SREK1: variants seen among roughly 807,000 people sequenced by gnomAD.
SREK1 encodes the protein splicing regulatory glutamic acid and lysine rich protein 1.
SREK1 carries 13 observed loss-of-function variants against 66.5 expected under a neutral mutation model. The observed-to-expected ratio is 0.20, with a 90% CI of 0.13 to 0.31. The LOEUF is 0.31. SREK1 is among the 10% of genes least tolerant of loss of function. The pLI is 1.00. For synonymous variants in SREK1, 265 were observed against 263.5 expected (o/e 1.01, Z -0.05); for missense variants, 607 against 769.6 (o/e 0.79, Z 2.50).
chr5:66,159,110 GATTC>G, intron 2 of SREK1, 105 bp from the exon 3 acceptor site: 1 of 1,438,040 alleles, frequency 7.0e-7, no homozygotes, highest in South Asian at 1.5e-5. Flanking sequence ...CTGATAGATA[GATTC>G]ATTTATTATT....
chr5:66,164,910 G>C lies in SREK1; in HGVS notation c.1001+13G>C, dbSNP rs780057436. 5 of 1,593,268 alleles carry C rather than the reference G, an allele frequency of 3.1e-6. No homozygotes were observed. In the African/African-American group the frequency reaches 4.1e-5, roughly 13 times the overall value. ...AATCAAAACACAGGTGAGAATTTCT[G>C]CTGTCATATTTAAATTTTATTTTAG... On this transcript the variant is annotated intron_variant, in intron 7 of 11. Transcript: ENST00000334121.
chr5:66,162,379 A>G, intron 4 of SREK1, 35 bp from the exon 5 acceptor site: 1 of 1,609,640 alleles, frequency 6.2e-7, no homozygotes, highest in Non-Finnish European at 8.5e-7. Flanking sequence ...TTTTAAATGG[A>G]TATATTTTAT....
rs142149443 is a variant in SREK1, at chr5:66,149,324, C to T, written c.162-4139C>T. On this transcript the variant is annotated intron_variant, in intron 1 of 11. Coordinates refer to ENST00000334121, the MANE Select transcript of SREK1 (RefSeq NM_001077199.3). ...GGGATCCCGCCATTGCACTCCAGCT[C>T]GGGTGACAGTGTGAAACTCTGTCTC... is the stretch of plus-strand genomic sequence containing the variant. Among the ~76,000 whole-genome samples the T allele has an allele frequency of 8.9e-3, 1,338 of 151,060 alleles. 18 individuals are homozygous for T. The highest frequency in any genetic ancestry group is 0.028 in the African/African-American group (1,131 of 41,044).
intron 1 of SREK1, among the ~76,000 whole-genome samples, chr5:66,149,646 C>T (rs1743589091): frequency 6.6e-6 from 1 of 152,198 alleles, no homozygotes; most frequent in African/African-American, 2.4e-5. Context: ...CATTCCTTCA[C>T]AAAAGGATCC....
intron 10 of SREK1, among the ~76,000 whole-genome samples, chr5:66,175,484 C>G (rs1745985471): frequency 6.6e-6 from 1 of 152,066 alleles, no homozygotes; most frequent in Non-Finnish European, 1.5e-5. Flanking sequence ...AGTTTTTTAA[C>G]TAGGCTACAG....
intron 1 of SREK1, among the ~76,000 whole-genome samples, chr5:66,153,098 T>A (rs1462714947): frequency 6.6e-6 from 1 of 152,208 alleles, no homozygotes; most frequent in East Asian, 1.9e-4. Context: ...ATGATAAAAT[T>A]TGAAATCTTG....
chr5:66,144,595 C>T (rs752553399), intron 1 of SREK1, 58 bp downstream of exon 1: 3 of 1,506,582 alleles, frequency 2.0e-6, no homozygotes, highest in Non-Finnish European at 2.7e-6. Flanking sequence ...CCTCGGGAGC[C>T]GAGGCGTGGA....
chr5:66,174,900 T>G, intron 9 of SREK1, 46 bp from the exon 10 acceptor site: 1 of 1,568,594 alleles, frequency 6.4e-7, no homozygotes, highest in Non-Finnish European at 8.7e-7. Context: ...GAATTGCCGT[T>G]TATTTCAATT....
intron 1 of SREK1, among the ~76,000 whole-genome samples, chr5:66,148,451 G>A (rs969564942): frequency 2.0e-5 from 3 of 152,074 alleles, no homozygotes; most frequent in African/African-American, 7.2e-5. Flanking sequence ...CCAAAAAGTT[G>A]GTTCTTTGGT....
At chr5:66,169,303 C>G (rs1358795848) in intron 7 of SREK1, 1 of 152,136 alleles carries the variant, frequency 6.6e-6, no homozygotes, top group Non-Finnish European at 1.5e-5. Flanking sequence ...ATTTGAAAAT[C>G]TGAAATTCAA....
At chr5:66,153,247 C>CA (rs1743999384) in intron 1 of SREK1, among the ~76,000 whole-genome samples, 1 of 151,764 alleles carries the variant, frequency 6.6e-6, no homozygotes, top group Non-Finnish European at 1.5e-5. Context: ...ACAAGTAAGG[C>CA]AGTAGGCCTG....
rs548936666 is a variant in SREK1, at chr5:66,181,857, T to C, written c.*2989T>C. 1 of 133,902 alleles carries C rather than the reference T, an allele frequency of 7.5e-6. No homozygotes were observed. Among genetic ancestry groups the C allele is most frequent in the East Asian group, 2.3e-4 (1 of 4,374 alleles). The allele number at this position is 133,902 out of a possible 1,614,324, so 8.3% of individuals were successfully genotyped here. The stretch of plus-strand genomic sequence containing the variant: ...GAGGCTTAAATTTTGACCTGCTCAA[T>C]TAAAAATAAACACTGGCGTTTATAA... On this transcript the variant is annotated 3_prime_UTR_variant, in exon 12 of 12. Transcript: ENST00000334121.
intron 1 of SREK1, chr5:66,145,250 C>T (rs1014780344): frequency 3.9e-6 from 3 of 761,142 alleles, no homozygotes; most frequent in Middle Eastern, 6.5e-4. Context: ...GCATTCACAG[C>T]TCGCGGCCAC....
In SREK1 at chr5:66,183,293, T is replaced by A. The variant is rs954163931; in HGVS notation, c.*4425T>A. 2 of 152,218 alleles carry A rather than the reference T, an allele frequency of 1.3e-5. No homozygotes were observed. Among genetic ancestry groups the A allele is most frequent in the Admixed American group, 6.5e-5 (1 of 15,282 alleles). 9.4% of individuals were successfully genotyped at this position (152,218 alleles called of 1,614,324 possible). A position where few individuals can be genotyped will look rare whatever the true frequency, so the allele number is the denominator to read the frequency against. On this transcript the variant is annotated 3_prime_UTR_variant, in exon 12 of 12. Transcript: ENST00000334121. ...AAGAATAGGTTGATTTCAACCATTTTGAGGGTACTGGTAGGTAACACACTG... is the reference window on the plus strand; with the variant it reads ...AAGAATAGGTTGATTTCAACCATTTAGAGGGTACTGGTAGGTAACACACTG...
rs1163786477 is a variant in SREK1, at chr5:66,157,449, G to A, written c.296-1770G>A. On this transcript the variant is annotated intron_variant, in intron 2 of 11. Coordinates refer to ENST00000334121, the MANE Select transcript of SREK1 (RefSeq NM_001077199.3). ...TGCATACATTAAGGTAGTGACGATGGAGTTTCTGCCTCAAAACCTCAATTT... is the reference window on the plus strand; with the variant it reads ...TGCATACATTAAGGTAGTGACGATGAAGTTTCTGCCTCAAAACCTCAATTT... The A allele has an allele frequency of 3.0e-6, 3 of 985,016 alleles. No homozygotes were observed. In the African/African-American group the frequency reaches 5.2e-5, roughly 17 times the overall value. 61.0% of individuals were successfully genotyped at this position (985,016 alleles called of 1,614,324 possible).
At chr5:66,149,150 G>A (rs1464722406) in intron 1 of SREK1, among the ~76,000 whole-genome samples, 2 of 152,236 alleles carry the variant, frequency 1.3e-5, no homozygotes, top group African/African-American at 4.8e-5. Flanking sequence ...TCAGGAGTTC[G>A]AGACCTGTCT....
rs367874139 is a variant in SREK1 at position 66,164,859 on chromosome 5, A to G, written c.963A>G (p.Lys321=). ...GCTCAAAATCCAGGTCTAGCTCAAA[A>G]TCCCATTCTAGAAGGAAAAGATCAC... ...HTRSKSRSSS[K]SHSRRKRSQS... The change falls in exon 7 of 12, where the codon AAA becomes AAG. Residue 321 remains lysine, a synonymous_variant. Coordinates refer to ENST00000334121, the MANE Select transcript of SREK1 (RefSeq NM_001077199.3). 2 of 1,613,910 alleles carry G rather than the reference A, an allele frequency of 1.2e-6. No homozygotes were observed. Among genetic ancestry groups the G allele is most frequent in the Admixed American group, 1.7e-5 (1 of 59,992 alleles).
intron 1 of SREK1, among the ~76,000 whole-genome samples, chr5:66,147,684 A>C (rs1337247874): frequency 6.6e-6 from 1 of 152,222 alleles, no homozygotes; most frequent in Non-Finnish European, 1.5e-5. Context: ...AAAAAAATGT[A>C]ACCACTAAAG....
At chr5:66,164,678 G>GT in intron 6 of SREK1, 105 bp from the exon 7 acceptor site, 1 of 1,602,824 alleles carries the variant, frequency 6.2e-7, no homozygotes, top group Non-Finnish European at 8.5e-7. Context: ...TGTACAGAGA[G>GT]TAGGCCCCTT....
Sources: gnomAD v4.1 joint callset for allele counts (sites outside exome capture counted in the v4.1 genomes callset) on GRCh38, gnomAD v4.1.1 for gene constraint, MANE v1.5 for transcripts, NCBI Gene and HGNC (gene_info 2026-07-23, HGNC 2026-07-21) for gene names.